PDLIM5: variants seen among roughly 807,000 people sequenced by gnomAD.
The protein encoded by PDLIM5 is PDZ and LIM domain 5.
A neutral mutation model predicts 64.2 loss-of-function variants in PDLIM5; 34 were observed. The ratio of observed to expected loss-of-function variants is 0.53; its 90% CI spans 0.40 to 0.71. The LOEUF (loss-of-function observed/expected upper bound fraction) is 0.71, where lower values mean the gene tolerates loss of function less well. Among genes scored for constraint, PDLIM5 ranks in the 30% least tolerant of loss-of-function variants. The pLI, the probability that PDLIM5 is intolerant of heterozygous loss-of-function variation, is 0.00. For synonymous variants in PDLIM5, 253 were observed against 269.1 expected, an observed-to-expected ratio of 0.94 and a Z score of 0.59; for missense variants, 683 against 733.6, an observed-to-expected ratio of 0.93 and a Z score of 0.80.
chr4:94,574,156 G>A (rs1447843480), intron 4 of PDLIM5, among the ~76,000 whole-genome samples: 1 of 152,168 alleles, frequency 6.6e-6, no homozygotes, highest in East Asian at 1.9e-4. Context: ...ATTGATTCGT[G>A]TGGGCACTAA....
chr4:94,659,090 T>C (rs540847598), intron 11 of PDLIM5, among the ~76,000 whole-genome samples: 17 of 152,338 alleles, frequency 1.1e-4, no homozygotes, highest in Middle Eastern at 3.4e-3. Flanking sequence ...AAAAACATTA[T>C]TGAATATTTA....
At chr4:94,469,536 G>A (rs890193778) in intron 2 of PDLIM5, among the ~76,000 whole-genome samples, 1 of 152,190 alleles carries the variant, frequency 6.6e-6, no homozygotes, top group African/African-American at 2.4e-5. Context: ...TGAGCAAGGA[G>A]GAAAGTGGAG....
chr4:94,567,223 G>C (rs1004727630), intron 3 of PDLIM5, among the ~76,000 whole-genome samples: 5 of 152,128 alleles, frequency 3.3e-5, no homozygotes. Context: ...TCGATCTCCT[G>C]ACCTCGTGAT....
chr4:94,465,303 A>AT (rs1225910211), intron 2 of PDLIM5, among the ~76,000 whole-genome samples: 6 of 152,076 alleles, frequency 3.9e-5, no homozygotes, highest in Non-Finnish European at 7.4e-5. Context: ...ACGTTTATTG[A>AT]TCCCTTGTTA....
chr4:94,519,655 G>A (rs1176475757), intron 2 of PDLIM5, among the ~76,000 whole-genome samples: 4 of 152,124 alleles, frequency 2.6e-5, no homozygotes. Flanking sequence ...CAAAGTCCCC[G>A]ATTTACTGTT....
intron 2 of PDLIM5, among the ~76,000 whole-genome samples, chr4:94,494,431 T>TG (rs550542434): frequency 0.079 from 7,817 of 98,664 alleles, 491 homozygotes; most frequent in East Asian, 0.12. Context: ...TTTTTTTTCT[T>TG]GTTTTTTTTT....
chr4:94,603,682 T>G (rs1737677741), intron 7 of PDLIM5, among the ~76,000 whole-genome samples: 1 of 152,200 alleles, frequency 6.6e-6, no homozygotes, highest in African/African-American at 2.4e-5. Flanking sequence ...CGTGTATGTG[T>G]GTGCGCACGC....
chr4:94,467,101 C>T (rs1724432601), intron 2 of PDLIM5, among the ~76,000 whole-genome samples: 1 of 152,094 alleles, frequency 6.6e-6, no homozygotes. Context: ...ATGAATAGTT[C>T]ATGTATTTTG....
At chr4:94,479,357 C>A (rs1363104225) in intron 2 of PDLIM5, among the ~76,000 whole-genome samples, 3 of 117,308 alleles carry the variant, frequency 2.6e-5, no homozygotes, top group African/African-American at 1.0e-4. Flanking sequence ...GAGACAGGGT[C>A]TCACTCTTGC....
At chr4:94,644,133 A>G (rs1741217353) in intron 9 of PDLIM5, among the ~76,000 whole-genome samples, 1 of 152,222 alleles carries the variant, frequency 6.6e-6, no homozygotes, top group South Asian at 2.1e-4. Context: ...TTAAAGTTAA[A>G]TGTGTTTTTA....
At chr4:94,569,433 C>T (rs1204853101) in intron 3 of PDLIM5, among the ~76,000 whole-genome samples, 2 of 152,158 alleles carry the variant, frequency 1.3e-5, no homozygotes, top group Non-Finnish European at 2.9e-5. Flanking sequence ...AGTTCTCCTG[C>T]CTCAGCCTCC....
intron 5 of PDLIM5, among the ~76,000 whole-genome samples, chr4:94,583,332 T>C (rs970657914): frequency 6.6e-6 from 1 of 152,148 alleles, no homozygotes; most frequent in Non-Finnish European, 1.5e-5. Flanking sequence ...TGTCATTCTA[T>C]TATTCGTGAT....
chr4:94,456,730 G>C lies in PDLIM5; in HGVS notation c.96+1346G>C, dbSNP rs1235560317. ...TACATACATATATATGTGAATATAT[G>C]TATCTACGTCATTTTGAAAGGTTGT... On this transcript the variant is annotated intron_variant, in intron 2 of 12. Transcript: ENST00000317968. 8 of 1,271,182 alleles carry C rather than the reference G, an allele frequency of 6.3e-6. No individual in the cohort carries two copies. In the Admixed American group the frequency reaches 3.1e-4, roughly 49 times the overall value. 78.7% of individuals were successfully genotyped at this position (1,271,182 alleles called of 1,614,324 possible).
At chr4:94,648,835 A>C (rs1267855586) in intron 9 of PDLIM5, among the ~76,000 whole-genome samples, 1 of 152,166 alleles carries the variant, frequency 6.6e-6, no homozygotes, top group Admixed American at 6.5e-5. Context: ...TTTCTTCCTC[A>C]GGGCCAGCAG....
intron 3 of PDLIM5, among the ~76,000 whole-genome samples, chr4:94,567,116 C>T (rs564988641): frequency 6.6e-6 from 1 of 152,208 alleles, no homozygotes; most frequent in African/African-American, 2.4e-5. Context: ...CTTCAGCCTC[C>T]CGAGTAGCTG....
intron 7 of PDLIM5, chr4:94,587,342 T>G (rs1199884452): frequency 8.0e-7 from 1 of 1,248,692 alleles, no homozygotes; most frequent in Admixed American, 4.4e-5. Context: ...TTGTATCTGT[T>G]TTTGTTGTGA....
intron 8 of PDLIM5, among the ~76,000 whole-genome samples, chr4:94,626,277 A>C (rs1560750117): frequency 6.7e-6 from 1 of 150,022 alleles, no homozygotes. Flanking sequence ...AGTAGTAATC[A>C]TTGTTTTTGT....
chr4:94,498,334 C>T (rs1480320225), intron 2 of PDLIM5, among the ~76,000 whole-genome samples: 1 of 152,094 alleles, frequency 6.6e-6, no homozygotes, highest in East Asian at 1.9e-4. Context: ...ATTTAAAAAA[C>T]TTTTGCTATC....
chr4:94,587,365 T>C (rs1736319094), intron 7 of PDLIM5: 1 of 1,151,504 alleles, frequency 8.7e-7, no homozygotes, highest in Non-Finnish European at 1.1e-6. Context: ...AGGGTAGTAA[T>C]CTTGGAAAAC....
Sources: allele counts gnomAD v4.1 joint callset (sites outside exome capture counted in the v4.1 genomes callset), GRCh38; gene constraint gnomAD v4.1.1; transcripts MANE v1.5; gene names NCBI Gene and HGNC (gene_info 2026-07-23, HGNC 2026-07-21).